The following R3HCC1L variants were observed in gnomAD, a reference collection of about 807,000 sequenced individuals.
The protein encoded by R3HCC1L is coiled-coil domain-containing protein R3HCC1L.
In R3HCC1L, 51 loss-of-function variants were observed where a neutral mutation model predicts 59.9. The ratio of observed to expected loss-of-function variants is 0.85; its 90% CI spans 0.68 to 1.07. The LOEUF is 1.07. Among genes scored for constraint, R3HCC1L ranks in the 50% least tolerant of loss-of-function variants. R3HCC1L has a pLI of 0.00. For missense variants in R3HCC1L, 965 were observed against 933.0 expected (o/e 1.03, Z -0.45); for synonymous variants, 322 against 315.2 (o/e 1.02, Z -0.23).
At chr10:98,145,555 C>T (rs1845569088) in intron 1 of R3HCC1L, among the ~76,000 whole-genome samples, 1 of 152,160 alleles carries the variant, frequency 6.6e-6, no homozygotes. Flanking sequence ...AATGCTGCCC[C>T]TTTTAAAGTA....
In R3HCC1L at chr10:98,209,489, A is replaced by C; in HGVS notation, c.1375A>C (p.Thr459Pro). The C allele has an allele frequency of 6.2e-7, 1 of 1,613,830 alleles. No homozygotes were observed. Among genetic ancestry groups the C allele is most frequent in the Non-Finnish European group, 8.5e-7 (1 of 1,179,984 alleles). ...TATTTCATCTCATTTTACAGAGTCA[A>C]CAGGAAAGTTGATAGAGAGCTTGTC... ...ESISSHFTES[T>P]GKLIESLSDC... is the part of the protein sequence containing the mutation. The change falls in exon 5 of 10, where the codon ACA becomes CCA. Residue 459 changes from threonine (T) to proline (P), a missense_variant. By Grantham distance (38) the Thr-to-Pro change is conservative. Coordinates refer to ENST00000298999, the MANE Select transcript of R3HCC1L (RefSeq NM_001351015.2).
chr10:98,170,684 G>A (rs1404930480), intron 4 of R3HCC1L, among the ~76,000 whole-genome samples: 1 of 152,176 alleles, frequency 6.6e-6, no homozygotes, highest in Non-Finnish European at 1.5e-5. Flanking sequence ...AAATGTAGTA[G>A]TGACACATTT....
chr10:98,157,559 T>C (rs7911317), intron 2 of R3HCC1L, among the ~76,000 whole-genome samples: 103,292 of 152,050 alleles, frequency 0.68, 35,266 homozygotes, highest in African/African-American at 0.76. Flanking sequence ...CTGACTCTCA[T>C]GAGGATTTCT....
rs769927620 is a variant in R3HCC1L, at chr10:98,235,455, T to G, written c.2063T>G (p.Met688Arg). Residue 688 changes from methionine to arginine, a missense_variant, in exon 8 of 10, where the codon ATG becomes AGG. By Grantham distance (91) the Met-to-Arg change is moderately conservative (BLOSUM62 -1). Transcript: ENST00000298999. ...GATGCGTTGGGTATTAAACACACCA[T>G]GGTGAAGATTCGTCCCTTGTCACAG... Reference protein sequence around the residue: ...ARDALGIKHTMVKIRPLSQAT... With the variant: ...ARDALGIKHTRVKIRPLSQAT... 30 of 1,613,772 alleles carry G rather than the reference T, an allele frequency of 1.9e-5. No homozygotes were observed. Among genetic ancestry groups the G allele is most frequent in the Non-Finnish European group, 2.5e-5 (29 of 1,179,788 alleles).
intron 4 of R3HCC1L, among the ~76,000 whole-genome samples, chr10:98,202,502 C>T (rs1168402968): frequency 6.6e-6 from 1 of 152,094 alleles, no homozygotes; most frequent in African/African-American, 2.4e-5. Flanking sequence ...AATGTGTAAC[C>T]TCAGTCTCAT....
intron 4 of R3HCC1L, among the ~76,000 whole-genome samples, chr10:98,195,040 C>T (rs921126863): frequency 3.9e-5 from 6 of 152,072 alleles, no homozygotes; most frequent in African/African-American, 1.4e-4. Context: ...GCATTATTCA[C>T]AGTAATCAAG....
intron 1 of R3HCC1L, among the ~76,000 whole-genome samples, chr10:98,155,212 AATAG>A (rs1197710928): frequency 6.6e-6 from 1 of 152,218 alleles, no homozygotes. Flanking sequence ...TACTTCCTAA[AATAG>A]ATAAATGAGC....
intron 4 of R3HCC1L, among the ~76,000 whole-genome samples, chr10:98,175,509 T>C (rs529844853): frequency 1.3e-5 from 2 of 152,296 alleles, no homozygotes; most frequent in East Asian, 3.9e-4. Flanking sequence ...ACCAGTGGTA[T>C]GTTTTCTGTC....
At chr10:98,155,217 A>G (rs1846726621) in intron 1 of R3HCC1L, among the ~76,000 whole-genome samples, 1 of 152,234 alleles carries the variant, frequency 6.6e-6, no homozygotes, top group African/African-American at 2.4e-5. Context: ...CCTAAAATAG[A>G]TAAATGAGCA....
chr10:98,228,495 A>T (rs367587792), intron 5 of R3HCC1L, among the ~76,000 whole-genome samples: 1 of 152,162 alleles, frequency 6.6e-6, no homozygotes, highest in Admixed American at 6.6e-5. Context: ...TCTTTGTCAG[A>T]TGAGTAGATT....
chr10:98,236,104 C>G lies in R3HCC1L; in HGVS notation c.2209C>G (p.Arg737Gly). ...RRLVISALGV[R>G]SKQSKTEREA... ...GTTAGTCATCAGTGCCCTTGGGGTT[C>G]GAAGTAAGCAGAGCAAAACCGAACG... The change falls in exon 9 of 10, where the codon CGA becomes GGA. Residue 737 changes from arginine (R) to glycine (G), a missense_variant. Arg to Gly is a moderately radical substitution (Grantham distance 125, BLOSUM62 -2). Transcript: ENST00000298999. 1 of 1,613,778 alleles carries G rather than the reference C, an allele frequency of 6.2e-7. No individual in the cohort carries two copies. Among genetic ancestry groups the G allele is most frequent in the African/African-American group, 1.3e-5 (1 of 74,940 alleles).
intron 1 of R3HCC1L, among the ~76,000 whole-genome samples, chr10:98,155,655 G>A (rs1846779741): frequency 6.6e-6 from 1 of 151,992 alleles, no homozygotes; most frequent in Non-Finnish European, 1.5e-5. Flanking sequence ...AAAATATAGT[G>A]AGTCATTTTT....
intron 4 of R3HCC1L, among the ~76,000 whole-genome samples, chr10:98,166,176 TCAAACAAA>T (rs965486955): frequency 2.6e-5 from 4 of 151,894 alleles, no homozygotes; most frequent in African/African-American, 9.7e-5. Context: ...GTCTCAAAAA[TCAAACAAA>T]CAAACCAAGA....
At chr10:98,225,610 A>T (rs1465094046) in intron 5 of R3HCC1L, among the ~76,000 whole-genome samples, 1 of 152,216 alleles carries the variant, frequency 6.6e-6, no homozygotes, top group African/African-American at 2.4e-5. Context: ...TACAGGAAGA[A>T]CTGATCAGAA....
intron 4 of R3HCC1L, among the ~76,000 whole-genome samples, chr10:98,200,452 C>G (rs1415191208): frequency 6.6e-6 from 1 of 152,038 alleles, no homozygotes; most frequent in Admixed American, 6.5e-5. Flanking sequence ...TAATAGCTGA[C>G]TTTTATGGAG....
At position 98,160,517 on chromosome 10, in the gene R3HCC1L, A is replaced by G. The variant is rs146547589; in HGVS notation, c.-212-2366A>G. 2.9e-3 allele frequency among the ~76,000 whole-genome samples: 435 copies of G among 152,346 alleles called. 2 individuals carry two copies. Among genetic ancestry groups the G allele is most frequent in the Middle Eastern group, 0.01 (3 of 294 alleles). Reference sequence around the variant, plus strand: ...ACATATGTGGCTCCATTATATTTCTATTAGAATGTGCTGATATAAAAACCG... The same window carrying G: ...ACATATGTGGCTCCATTATATTTCTGTTAGAATGTGCTGATATAAAAACCG... On this transcript the variant is annotated intron_variant, in intron 2 of 9. Coordinates refer to ENST00000298999, the MANE Select transcript of R3HCC1L (RefSeq NM_001351015.2).
intron 1 of R3HCC1L, among the ~76,000 whole-genome samples, chr10:98,155,074 T>G (rs1846706476): frequency 6.6e-6 from 1 of 152,202 alleles, no homozygotes; most frequent in African/African-American, 2.4e-5. Context: ...TCTTCTGTTG[T>G]TTTAAGCCTG....
At chr10:98,209,928 T>C (rs1454362606) in intron 5 of R3HCC1L, 29 bp downstream of exon 5, 4 of 1,529,656 alleles carry the variant, frequency 2.6e-6, no homozygotes, top group Non-Finnish European at 3.6e-6. Context: ...GCTTGATGCT[T>C]AGTTAGTTTA....
intron 4 of R3HCC1L, among the ~76,000 whole-genome samples, chr10:98,203,732 A>G (rs1048890637): frequency 7.9e-5 from 12 of 152,178 alleles, no homozygotes; most frequent in Admixed American, 5.9e-4. Context: ...TGCTTGTTCA[A>G]TTTCTCATGA....
Sources: gnomAD v4.1 joint callset for allele counts (sites outside exome capture counted in the v4.1 genomes callset) on GRCh38, gnomAD v4.1.1 for gene constraint, MANE v1.5 for transcripts, NCBI Gene and HGNC (gene_info 2026-07-23, HGNC 2026-07-21) for gene names.